AOPEP: variants seen among roughly 807,000 people sequenced by gnomAD.
AOPEP encodes the protein aminopeptidase O (putative), also known as aminopeptidase O.
Under a neutral mutation model 98.1 loss-of-function variants are expected in AOPEP, and 77 were observed. That is an observed-to-expected ratio of 0.78 (90% CI 0.65 to 0.95). The LOEUF is 0.95. AOPEP is among the 40% of genes least tolerant of loss of function. The probability of loss-of-function intolerance (pLI) is 0.00; values close to 1 mark genes in which losing one functional copy is unlikely to be tolerated. For synonymous variants in AOPEP, 346 were observed against 365.3 expected (o/e 0.95, Z 0.60); for missense variants, 1,024 against 1,024.7 (o/e 1.00, Z 0.01).
chr9:94,994,539 A>G (rs1402567110), intron 11 of AOPEP, among the ~76,000 whole-genome samples: 2 of 152,240 alleles, frequency 1.3e-5, no homozygotes, highest in Admixed American at 1.3e-4. Flanking sequence ...GTCTGACTTA[A>G]AAGCCTTCAT....
chr9:95,014,431 C>G (rs1388618543), intron 13 of AOPEP, among the ~76,000 whole-genome samples: 1 of 151,924 alleles, frequency 6.6e-6, no homozygotes, highest in African/African-American at 2.4e-5. Flanking sequence ...TAGATCGTGC[C>G]ACTGCCTTCC....
intron 13 of AOPEP, among the ~76,000 whole-genome samples, chr9:95,015,631 C>T (rs947629554): frequency 3.9e-5 from 6 of 152,084 alleles, no homozygotes; most frequent in Non-Finnish European, 7.4e-5. Flanking sequence ...TGAATCACAC[C>T]TGTATCAGAG....
the AOPEP span, among the ~76,000 whole-genome samples, chr9:95,115,688 T>C: frequency 6.6e-6 from 1 of 152,210 alleles, no homozygotes; most frequent in Non-Finnish European, 1.5e-5. Context: ...ACAAGGAAGG[T>C]AAGGCGAGTG....
At chr9:95,115,781 G>A in the AOPEP span, among the ~76,000 whole-genome samples, 1 of 152,262 alleles carries the variant, frequency 6.6e-6, no homozygotes, top group South Asian at 2.1e-4. Context: ...CCTTTTGAAG[G>A]TATTTTTCGT....
At chr9:95,102,906 C>T in the AOPEP span, among the ~76,000 whole-genome samples, 3 of 152,330 alleles carry the variant, frequency 2.0e-5, no homozygotes, top group Non-Finnish European at 4.4e-5. Context: ...TGCAGCCGGC[C>T]TGCAACGAGC....
At chr9:95,049,082 G>A (rs372820037) in intron 13 of AOPEP, 1 of 152,182 alleles carries the variant, frequency 6.6e-6, no homozygotes, top group African/African-American at 2.4e-5. Flanking sequence ...TTCTCTGTCA[G>A]AGTTAGCTCT....
chr9:95,111,145 G>A, the AOPEP span: 10 of 1,534,570 alleles, frequency 6.5e-6, no homozygotes, highest in Admixed American at 5.9e-5. Flanking sequence ...TGCAGGGCAC[G>A]CCTTGGAGGA....
At chr9:95,030,275 T>TTA (rs1587690257) in intron 13 of AOPEP, among the ~76,000 whole-genome samples, 1 of 152,190 alleles carries the variant, frequency 6.6e-6, no homozygotes, top group Non-Finnish European at 1.5e-5. Flanking sequence ...TGGGAGCGTG[T>TTA]TATATATTTG....
At chr9:94,857,563 A>G (rs977380572) in intron 5 of AOPEP, among the ~76,000 whole-genome samples, 1 of 152,174 alleles carries the variant, frequency 6.6e-6, no homozygotes, top group African/African-American at 2.4e-5. Context: ...TGTAAATATT[A>G]TTTGACTTCT....
chr9:94,979,280 G>A, intron 10 of AOPEP, 87 bp from the exon 11 acceptor site: 1 of 830,878 alleles, frequency 1.2e-6, no homozygotes, highest in Non-Finnish European at 2.0e-6. Context: ...TCGATGCTGT[G>A]ATGTACCCAG....
intron 3 of AOPEP, among the ~76,000 whole-genome samples, chr9:94,784,276 A>C (rs1447586449): frequency 6.6e-6 from 1 of 152,172 alleles, no homozygotes; most frequent in Admixed American, 6.5e-5. Context: ...ACTTTTCATA[A>C]ATTTCTTATT....
intron 1 of AOPEP, among the ~76,000 whole-genome samples, chr9:94,754,047 GAGAC>G (rs1290750902): frequency 6.6e-6 from 1 of 152,180 alleles, no homozygotes; most frequent in African/African-American, 2.4e-5. Context: ...GCAGTTAAAA[GAGAC>G]AGATTTATAT....
intron 16 of AOPEP, among the ~76,000 whole-genome samples, chr9:95,084,100 A>G (rs1250085947): frequency 3.9e-5 from 6 of 152,068 alleles, no homozygotes; most frequent in African/African-American, 1.4e-4. Context: ...GGGGATGTCT[A>G]ATTTTGTATC....
intron 5 of AOPEP, among the ~76,000 whole-genome samples, chr9:94,801,263 A>G (rs1357200096): frequency 6.6e-6 from 1 of 152,238 alleles, no homozygotes; most frequent in Non-Finnish European, 1.5e-5. Flanking sequence ...TTGAGAATAC[A>G]TAGTGCCCCC....
intron 5 of AOPEP, among the ~76,000 whole-genome samples, chr9:94,870,123 G>C (rs1588633121): frequency 6.6e-6 from 1 of 151,772 alleles, no homozygotes; most frequent in African/African-American, 2.4e-5. Context: ...CAAGTAGCTA[G>C]GATTATAGGC....
intron 5 of AOPEP, among the ~76,000 whole-genome samples, chr9:94,882,401 C>G (rs2047689076): frequency 6.6e-6 from 1 of 152,132 alleles, no homozygotes; most frequent in Non-Finnish European, 1.5e-5. Context: ...AATTAAAGAA[C>G]ACATCTCATT....
At chr9:94,774,327 A>T (rs1841598072) in intron 3 of AOPEP, among the ~76,000 whole-genome samples, 1 of 150,662 alleles carries the variant, frequency 6.6e-6, no homozygotes, top group Non-Finnish European at 1.5e-5. Flanking sequence ...AAAAAAAAAA[A>T]AAAAAAGGGC....
intron 5 of AOPEP, among the ~76,000 whole-genome samples, chr9:94,882,851 C>T (rs2047750425): frequency 6.6e-6 from 1 of 152,170 alleles, no homozygotes; most frequent in Admixed American, 6.5e-5. Context: ...TAAGTTGTCT[C>T]CAGAAAGGTT....
At chr9:94,866,320 A>G (rs2045703832) in intron 5 of AOPEP, among the ~76,000 whole-genome samples, 1 of 152,170 alleles carries the variant, frequency 6.6e-6, no homozygotes, top group Non-Finnish European at 1.5e-5. Context: ...CTGAAATGTG[A>G]TACATCCATC....
Sources: allele counts gnomAD v4.1 joint callset (sites outside exome capture counted in the v4.1 genomes callset), GRCh38; gene constraint gnomAD v4.1.1; transcripts MANE v1.5; gene names NCBI Gene and HGNC (gene_info 2026-07-23, HGNC 2026-07-21).